The following GSTT4 variants were observed in gnomAD, a reference collection of about 807,000 sequenced individuals.
The protein encoded by GSTT4 is glutathione S-transferase theta 4, also known as glutathione S-transferase theta-4.
intron 4 of GSTT4, among the ~76,000 whole-genome samples, chr22:23,999,211 T>C (rs1460472668): frequency 1.3e-5 from 2 of 150,600 alleles, no homozygotes; most frequent in Non-Finnish European, 3.0e-5. Flanking sequence ...AAGAGTTTGG[T>C]TTGCACCCAA....
intron 3 of GSTT4, among the ~76,000 whole-genome samples, chr22:24,000,959 C>T (rs994907661): frequency 2.9e-5 from 3 of 103,174 alleles, no homozygotes; most frequent in African/African-American, 1.3e-4. Flanking sequence ...TATGCCCTTC[C>T]CCTCGCCCTA....
chr22:23,992,633 T>C, the GSTT4 span, among the ~76,000 whole-genome samples: 3 of 129,432 alleles, frequency 2.3e-5, no homozygotes, highest in Non-Finnish European at 5.1e-5. Context: ...ACATTTTCAT[T>C]TATAGCCAGT....
At chr22:23,995,441 C>T (rs2034107082), downstream of GSTT4, among the ~76,000 whole-genome samples, 2 of 152,028 alleles carry the variant, frequency 1.3e-5, no homozygotes. Context: ...TAATAATTCC[C>T]TATACTTTTA....
chr22:23,998,035 G>A (rs1269358180), downstream of GSTT4, among the ~76,000 whole-genome samples: 3 of 152,200 alleles, frequency 2.0e-5, no homozygotes, highest in Non-Finnish European at 2.9e-5. Flanking sequence ...AACATACTTT[G>A]TGTGATTTCA....
At chr22:23,989,801 G>A in the GSTT4 span, among the ~76,000 whole-genome samples, 2 of 149,216 alleles carry the variant, frequency 1.3e-5, no homozygotes, top group Non-Finnish European at 3.0e-5. Context: ...GGCCGCATTA[G>A]GTGCCTGGTG....
At chr22:23,994,091 T>A (rs2034093774), downstream of GSTT4, among the ~76,000 whole-genome samples, 1 of 152,204 alleles carries the variant, frequency 6.6e-6, no homozygotes, top group Admixed American at 6.5e-5. Flanking sequence ...GCTTTTAGCT[T>A]TCTTTGTTTT....
downstream of GSTT4, among the ~76,000 whole-genome samples, chr22:23,993,823 G>A (rs1167966662): frequency 6.6e-6 from 1 of 152,172 alleles, no homozygotes; most frequent in Non-Finnish European, 1.5e-5. Context: ...CAAGCCTTAT[G>A]TGTGGACAAG....
the GSTT4 span, chr22:23,991,336 C>T: frequency 1.8e-5 from 2 of 108,846 alleles, 1 homozygote; most frequent in East Asian, 4.5e-4. Flanking sequence ...CCCAGCCCAG[C>T]TTTGGTCAGC....
intron 2 of GSTT4, among the ~76,000 whole-genome samples, chr22:24,002,548 TGGCTGGGCACGG>T (rs2034255435): frequency 1.3e-5 from 2 of 152,184 alleles, no homozygotes; most frequent in African/African-American, 2.4e-5. Context: ...CAGAACTTCT[TGGCTGGGCACGG>T]TGGCTCACGC....
downstream of GSTT4, among the ~76,000 whole-genome samples, chr22:23,996,954 G>C (rs431756): frequency 0.037 from 5,688 of 152,024 alleles, 281 homozygotes; most frequent in East Asian, 0.22. Context: ...GAAGCCATCT[G>C]GTCCTGGGCT....
intron 2 of GSTT4, among the ~76,000 whole-genome samples, chr22:24,001,917 G>C (rs1027239433): frequency 1.8e-4 from 27 of 152,278 alleles, no homozygotes; most frequent in Admixed American, 7.2e-4. Context: ...CTTGAACCTG[G>C]GAGGCAGAGG....
chr22:24,001,274 CCAGTGCG>C lies in GSTT4; in HGVS notation c.245_251del (p.Ser82CysfsTer27), dbSNP rs2034224210. 6.6e-6 allele frequency: 1 copy of C among 152,654 alleles called. No homozygotes were observed. The highest frequency in any genetic ancestry group is 1.5e-5 in the Non-Finnish European group (1 of 68,310). The allele number at this position is 152,654 out of a possible 1,614,324, so 9.5% of individuals were successfully genotyped here. A position where few individuals can be genotyped will look rare whatever the true frequency, so the allele number is the denominator to read the frequency against. On this transcript the variant is annotated frameshift_variant, in exon 3 of 5. Coordinates refer to ENST00000621179, the MANE Select transcript of GSTT4 (RefSeq NM_001358664.2). LOFTEE classifies it high-confidence loss of function. ...CACGTGCGTGCGGGTCTGGCGGGCA[CCAGTGCG>C]ATGGTGCGCTGTACTTGCGGCACAG...
At chr22:24,002,518 C>T (rs886826099) in intron 2 of GSTT4, among the ~76,000 whole-genome samples, 1 of 152,264 alleles carries the variant, frequency 6.6e-6, no homozygotes, top group Non-Finnish European at 1.5e-5. Context: ...GCAGGAGAGA[C>T]AGCAACTGGC....
At chr22:23,990,453 C>CAAAAA in the GSTT4 span, among the ~76,000 whole-genome samples, 13 of 29,970 alleles carry the variant, frequency 4.3e-4, 1 homozygote, top group African/African-American at 2.7e-3. Context: ...CTACACACAC[C>CAAAAA]AAAAAAAAAA....
downstream of GSTT4, among the ~76,000 whole-genome samples, chr22:23,995,166 C>T (rs367736586): frequency 6.6e-6 from 1 of 151,710 alleles, no homozygotes; most frequent in Non-Finnish European, 1.5e-5. Context: ...CAGAGTATCG[C>T]TCTGTCACCA....
chr22:23,991,788 C>G, the GSTT4 span, among the ~76,000 whole-genome samples: 2 of 141,256 alleles, frequency 1.4e-5, no homozygotes, highest in South Asian at 4.9e-4. Flanking sequence ...GGCGCGGTGG[C>G]TCACGCCTGT....
downstream of GSTT4, among the ~76,000 whole-genome samples, chr22:23,994,250 A>G (rs1449946694): frequency 6.6e-6 from 1 of 152,070 alleles, no homozygotes; most frequent in Non-Finnish European, 1.5e-5. Context: ...CCCATACCAT[A>G]ATATCCACCC....
chr22:23,999,350 C>T (rs1451918471), intron 4 of GSTT4, among the ~76,000 whole-genome samples: 1 of 150,768 alleles, frequency 6.6e-6, no homozygotes, highest in Non-Finnish European at 1.5e-5. Flanking sequence ...GCAAACAGAC[C>T]AAGGAGACTA....
intron 1 of GSTT4, 80 bp from the exon 2 acceptor site, chr22:24,003,927 C>T (rs1038208042): frequency 6.5e-6 from 1 of 154,032 alleles, no homozygotes; most frequent in Non-Finnish European, 1.5e-5. Flanking sequence ...CAAACGCCTC[C>T]CTCTCTATTT....
Sources: gnomAD v4.1 joint callset for allele counts (sites outside exome capture counted in the v4.1 genomes callset) on GRCh38, gnomAD v4.1.1 for gene constraint, MANE v1.5 for transcripts, NCBI Gene and HGNC (gene_info 2026-07-23, HGNC 2026-07-21) for gene names.